EYA1: variants seen among roughly 807,000 people sequenced by gnomAD.
EYA1 encodes EYA transcriptional coactivator and phosphatase 1.
EYA1 carries 16 observed loss-of-function variants against 82.0 expected under a neutral mutation model. The observed-to-expected ratio is 0.20, with a 90% CI of 0.13 to 0.30. The LOEUF is 0.30. Among genes scored for constraint, EYA1 ranks in the 10% least tolerant of loss-of-function variants. The probability of loss-of-function intolerance (pLI) is 1.00; values close to 1 mark genes in which losing one functional copy is unlikely to be tolerated. For synonymous variants in EYA1, 261 were observed against 264.4 expected (o/e 0.99, Z 0.12); for missense variants, 633 against 730.7 (o/e 0.87, Z 1.54).
chr8:71,502,384 C>A (rs1427984700), intron 2 of EYA1, among the ~76,000 whole-genome samples: 1 of 152,198 alleles, frequency 6.6e-6, no homozygotes, highest in Non-Finnish European at 1.5e-5. Context: ...GTTTTTACCA[C>A]CAATACTGGC....
intron 2 of EYA1, among the ~76,000 whole-genome samples, chr8:71,480,553 C>A (rs1030110066): frequency 6.7e-4 from 102 of 151,898 alleles, no homozygotes; most frequent in Non-Finnish European, 2.2e-4. Flanking sequence ...AATTTATTTA[C>A]CTTCTAAAGT....
chr8:71,283,070 C>G (rs1196354848), intron 9 of EYA1, among the ~76,000 whole-genome samples: 1 of 151,646 alleles, frequency 6.6e-6, no homozygotes, highest in Non-Finnish European at 1.5e-5. Context: ...AATCCCAAAT[C>G]CTTCTCATGC....
intron 9 of EYA1, among the ~76,000 whole-genome samples, chr8:71,277,821 GTTAA>G (rs1817377417): frequency 6.6e-6 from 1 of 152,016 alleles, no homozygotes; most frequent in South Asian, 2.1e-4. Flanking sequence ...AGCTATAAAG[GTTAA>G]TTATTTCTAC....
intron 2 of EYA1, among the ~76,000 whole-genome samples, chr8:71,405,161 C>T (rs1830152182): frequency 6.6e-6 from 1 of 152,130 alleles, no homozygotes; most frequent in Non-Finnish European, 1.5e-5. Context: ...TATGTCCCCT[C>T]TTCTAGCACC....
chr8:71,473,936 A>G (rs1189673847), intron 2 of EYA1, among the ~76,000 whole-genome samples: 1 of 152,138 alleles, frequency 6.6e-6, no homozygotes, highest in Admixed American at 6.6e-5. Context: ...ATTCTCAGCA[A>G]ACTAAAACAG....
chr8:71,432,107 C>T (rs1057331620), intron 2 of EYA1, among the ~76,000 whole-genome samples: 18 of 152,276 alleles, frequency 1.2e-4, no homozygotes, highest in Admixed American at 7.8e-4. Context: ...TCTTTTTATA[C>T]TTGTTTTGTG....
intron 2 of EYA1, among the ~76,000 whole-genome samples, chr8:71,517,540 G>T (rs1464991491): frequency 6.6e-6 from 1 of 151,444 alleles, no homozygotes; most frequent in African/African-American, 2.4e-5. Flanking sequence ...CATTAACACA[G>T]TTTCAAAGAA....
chr8:71,306,383 G>A (rs1820739474), intron 7 of EYA1, among the ~76,000 whole-genome samples: 2 of 151,632 alleles, frequency 1.3e-5, no homozygotes, highest in South Asian at 4.2e-4. Context: ...GCAAGAATCT[G>A]AATGTCCAAC....
At chr8:71,368,689 G>A (rs1185641869) in intron 2 of EYA1, among the ~76,000 whole-genome samples, 1 of 151,988 alleles carries the variant, frequency 6.6e-6, no homozygotes. Flanking sequence ...GGAGAAAATT[G>A]TATTTGATAA....
intron 17 of EYA1, among the ~76,000 whole-genome samples, chr8:71,207,994 T>C (rs1688390487): frequency 6.6e-6 from 1 of 152,222 alleles, no homozygotes; most frequent in Non-Finnish European, 1.5e-5. Flanking sequence ...CAACATTCTA[T>C]GTGTATTAAA....
upstream of EYA1, among the ~76,000 whole-genome samples, chr8:71,364,229 G>A (rs980199594): frequency 1.3e-5 from 2 of 151,786 alleles, 1 homozygote; most frequent in South Asian, 4.2e-4. Flanking sequence ...TAATATCCAT[G>A]TGCATATTTA....
intron 2 of EYA1, among the ~76,000 whole-genome samples, chr8:71,533,934 G>A (rs1814495827): frequency 6.6e-6 from 1 of 152,190 alleles, no homozygotes; most frequent in Admixed American, 6.5e-5. Flanking sequence ...GACAAAATGA[G>A]ATGCAATTAG....
rs1168972150 is a variant in EYA1 at position 71,317,495 on chromosome 8, T to C, written c.556+57A>G. On this transcript the variant is annotated intron_variant, in intron 7 of 17. Coordinates refer to ENST00000340726, the MANE Select transcript of EYA1 (RefSeq NM_000503.6). ...TTACATGGAACATCAGGTTCTACTT[T>C]AGAAGTTAACTATCAACCTACAGGG... is the stretch of plus-strand genomic sequence containing the variant. 1.6e-5 allele frequency: 25 copies of C among 1,573,524 alleles called. No individual in the cohort carries two copies. The Middle Eastern group carries it at 8.4e-4, about 53-fold the overall frequency.
chr8:71,497,225 T>A (rs1811482183), intron 2 of EYA1, among the ~76,000 whole-genome samples: 1 of 152,156 alleles, frequency 6.6e-6, no homozygotes, highest in African/African-American at 2.4e-5. Context: ...AAAAAATAAT[T>A]ACACAAAAAA....
In EYA1 at chr8:71,489,406, T is replaced by G. The variant is rs1482390214; in HGVS notation, c.33+46338A>C. 3.3e-5 allele frequency among the ~76,000 whole-genome samples: 5 copies of G among 152,240 alleles called. No individual in the cohort carries two copies. In the East Asian group the frequency reaches 9.6e-4, roughly 29 times the overall value. On this transcript the variant is annotated intron_variant, in intron 2 of 18. Transcript: ENST00000643681. ...TATATGGCAATTCCTACAAACGCTTTGTTTTAAAACATAAAGAATCAATAG... is the reference window on the plus strand; with the variant it reads ...TATATGGCAATTCCTACAAACGCTTGGTTTTAAAACATAAAGAATCAATAG...
At chr8:71,364,298 G>A (rs1242048531), upstream of EYA1, among the ~76,000 whole-genome samples, 5 of 151,730 alleles carry the variant, frequency 3.3e-5, no homozygotes, top group East Asian at 1.9e-4. Context: ...AAACAATCAC[G>A]TTTACCCATA....
At chr8:71,517,030 C>A (rs1813022142) in intron 2 of EYA1, among the ~76,000 whole-genome samples, 1 of 152,096 alleles carries the variant, frequency 6.6e-6, no homozygotes, top group Non-Finnish European at 1.5e-5. Flanking sequence ...TCTGGTTCAT[C>A]TACTTCTCCA....
upstream of EYA1, among the ~76,000 whole-genome samples, chr8:71,363,892 A>T (rs1827590491): frequency 1.3e-5 from 2 of 152,106 alleles, no homozygotes; most frequent in Non-Finnish European, 2.9e-5. Context: ...GAGAGTAAGA[A>T]ATTATTTTTC....
intron 17 of EYA1, 31 bp downstream of exon 17, chr8:71,211,125 G>A: frequency 7.2e-7 from 1 of 1,389,194 alleles, no homozygotes; most frequent in Non-Finnish European, 1.0e-6. Flanking sequence ...AAAAACAAAT[G>A]AGACAAGATG....
Sources: gnomAD v4.1 joint callset for allele counts (sites outside exome capture counted in the v4.1 genomes callset) on GRCh38, gnomAD v4.1.1 for gene constraint, MANE v1.5 for transcripts, NCBI Gene and HGNC (gene_info 2026-07-23, HGNC 2026-07-21) for gene names.